Variants in MYO16 observed in about 807,000 individuals in gnomAD.
MYO16 encodes unconventional myosin-XVI.
MYO16 carries 94 observed loss-of-function variants against 205.3 expected under a neutral mutation model. The observed-to-expected ratio is 0.46, with a 90% CI of 0.39 to 0.54. MYO16 has a LOEUF of 0.54. Ranked by LOEUF, MYO16 falls within the 20% of genes least tolerant of loss-of-function variation. The pLI is 0.00. For missense variants in MYO16, 2,315 were observed against 2,387.5 expected (o/e 0.97, Z 0.63); for synonymous variants, 988 against 954.0 (o/e 1.04, Z -0.66).
chr13:108,523,873 G>A, the MYO16 span, among the ~76,000 whole-genome samples: 2 of 152,210 alleles, frequency 1.3e-5, no homozygotes, highest in Non-Finnish European at 2.9e-5. Context: ...GTAATTTCCA[G>A]TATTAGAGGT....
At chr13:108,552,515 A>G in the MYO16 span, among the ~76,000 whole-genome samples, 1 of 152,148 alleles carries the variant, frequency 6.6e-6, no homozygotes, top group South Asian at 2.1e-4. Flanking sequence ...CATTTTCCCT[A>G]TATCTTGCAA....
intron 16 of MYO16, among the ~76,000 whole-genome samples, chr13:108,925,915 C>T (rs1566415276): frequency 6.6e-6 from 1 of 152,194 alleles, no homozygotes; most frequent in African/African-American, 2.4e-5. Flanking sequence ...CCATTAAAGG[C>T]TTCCAGTGTT....
intron 4 of MYO16, among the ~76,000 whole-genome samples, chr13:108,772,494 C>T (rs921045815): frequency 3.9e-5 from 6 of 152,060 alleles, no homozygotes; most frequent in South Asian, 2.1e-4. Flanking sequence ...CAGTGTTCTA[C>T]GTTTTGGCCA....
rs1440114286 is a variant in MYO16, at chr13:109,206,838, G to A, written c.*2G>A. 2.5e-6 allele frequency: 4 copies of A among 1,613,370 alleles called. No individual in the cohort carries two copies. Among genetic ancestry groups the A allele is most frequent in the African/African-American group, 1.3e-5 (1 of 75,038 alleles). On this transcript the variant is annotated 3_prime_UTR_variant, in exon 35 of 35. Transcript: ENST00000457511. ...GAGCTCTGGGACACCACCATTTGAT[G>A]TGGCCTGAACTGCAGACTTACAAAA...
intron 14 of MYO16, among the ~76,000 whole-genome samples, chr13:108,891,527 A>G (rs1318122149): frequency 2.0e-5 from 3 of 152,232 alleles, no homozygotes; most frequent in Admixed American, 6.5e-5. Context: ...AATAATGTAC[A>G]TATGTGCTAT....
chr13:108,541,102 C>T, the MYO16 span, among the ~76,000 whole-genome samples: 1 of 152,032 alleles, frequency 6.6e-6, no homozygotes, highest in Non-Finnish European at 1.5e-5. Flanking sequence ...GGGCAGTTGG[C>T]TGTTACTGAA....
the MYO16 span, among the ~76,000 whole-genome samples, chr13:108,534,745 ACTCCTC>A: frequency 6.1e-5 from 9 of 147,662 alleles, no homozygotes; most frequent in Admixed American, 6.8e-5. Context: ...TGCTACTACA[ACTCCTC>A]CTCCTCCTCC....
intron 5 of MYO16, among the ~76,000 whole-genome samples, chr13:108,786,737 C>T (rs1409277065): frequency 3.3e-5 from 5 of 152,170 alleles, no homozygotes; most frequent in Non-Finnish European, 7.3e-5. Context: ...GTGGTTACCA[C>T]GACAGGGGAT....
At chr13:108,959,208 C>G (rs1306287757) in intron 17 of MYO16, among the ~76,000 whole-genome samples, 1 of 151,682 alleles carries the variant, frequency 6.6e-6, no homozygotes, top group African/African-American at 2.4e-5. Context: ...CTCTGATTAC[C>G]CGGCCTCTGT....
At chr13:108,941,085 A>C (rs1033148976) in intron 16 of MYO16, among the ~76,000 whole-genome samples, 3 of 152,154 alleles carry the variant, frequency 2.0e-5, no homozygotes, top group Non-Finnish European at 2.9e-5. Context: ...GGAAACAAAA[A>C]TGAGTGAGAC....
chr13:109,001,151 C>A (rs1390244105), intron 21 of MYO16, among the ~76,000 whole-genome samples: 1 of 149,464 alleles, frequency 6.7e-6, no homozygotes, highest in East Asian at 2.0e-4. Flanking sequence ...TGATTGATTC[C>A]TTTAAGAAAT....
chr13:109,072,574 AACACAC>A (rs66755145), intron 27 of MYO16, among the ~76,000 whole-genome samples: 19,765 of 149,124 alleles, frequency 0.13, 1,552 homozygotes, highest in East Asian at 0.42. Flanking sequence ...TGTGGCATTA[AACACAC>A]ACACACACAC....
At chr13:109,011,524 T>C (rs1885598752) in intron 22 of MYO16, among the ~76,000 whole-genome samples, 1 of 151,322 alleles carries the variant, frequency 6.6e-6, no homozygotes, top group Admixed American at 6.6e-5. Flanking sequence ...GTTATTTGTT[T>C]GTTTGTTTGA....
At chr13:108,654,379 C>A (rs1240156415) in intron 1 of MYO16, among the ~76,000 whole-genome samples, 1 of 152,238 alleles carries the variant, frequency 6.6e-6, no homozygotes, top group Non-Finnish European at 1.5e-5. Context: ...TGCATTTCTG[C>A]ATCTTCCTCA....
At chr13:108,808,910 A>G (rs1887199953) in intron 7 of MYO16, among the ~76,000 whole-genome samples, 1 of 152,208 alleles carries the variant, frequency 6.6e-6, no homozygotes, top group Non-Finnish European at 1.5e-5. Context: ...TTCCTAGAGA[A>G]TCCTGTCCCT....
chr13:108,646,040 G>C (rs1439365796), intron 1 of MYO16, among the ~76,000 whole-genome samples: 1 of 152,186 alleles, frequency 6.6e-6, no homozygotes, highest in East Asian at 1.9e-4. Context: ...CAAGTTTCAG[G>C]CTGACTGTAG....
the MYO16 span, among the ~76,000 whole-genome samples, chr13:108,536,334 T>C: frequency 1.3e-5 from 2 of 152,070 alleles, no homozygotes; most frequent in South Asian, 2.1e-4. Context: ...ACATTCACAG[T>C]GGAATAAGTT....
intron 2 of MYO16, among the ~76,000 whole-genome samples, chr13:108,707,782 A>G (rs1010467467): frequency 6.6e-6 from 1 of 152,194 alleles, no homozygotes; most frequent in Admixed American, 6.5e-5. Flanking sequence ...AGAATGTCTT[A>G]AAGGGACCAT....
chr13:109,140,901 G>C lies in MYO16; in HGVS notation c.4689G>C (p.Gln1563His). 6.3e-7 allele frequency: 1 copy of C among 1,588,002 alleles called. No individual in the cohort carries two copies. The highest frequency in any genetic ancestry group is 1.1e-5 in the South Asian group (1 of 88,208). Residue 1563 changes from glutamine to histidine, a missense_variant, in exon 32 of 35, where the codon CAG becomes CAC. Transcript: ENST00000457511. This position sits in a 1 kb window ranked among gnomAD's most constrained non-coding sequence, Gnocchi z 8.0. ...QPEGSSPLSP[Q>H]YSKSQKGDGD... ...AGGGGTCGAGCCCGCTGTCCCCGCA[G>C]TACTCCAAGAGCCAGAAGGGCGACG...
Sources: allele counts gnomAD v4.1 joint callset (sites outside exome capture counted in the v4.1 genomes callset), GRCh38; gene constraint gnomAD v4.1.1; non-coding constraint Gnocchi (gnomAD v3.1); transcripts MANE v1.5; gene names NCBI Gene and HGNC (gene_info 2026-07-23, HGNC 2026-07-21).